LONP2: variants seen among roughly 807,000 people sequenced by gnomAD.
LONP2 encodes lon peptidase 2, peroxisomal.
LONP2 carries 60 observed loss-of-function variants against 85.6 expected under a neutral mutation model. The observed-to-expected ratio is 0.70, with a 90% CI of 0.57 to 0.87. LONP2 has a LOEUF of 0.87. Ranked by LOEUF, LONP2 falls within the 40% of genes least tolerant of loss-of-function variation. The pLI, the probability that LONP2 is intolerant of heterozygous loss-of-function variation, is 0.00. For missense variants in LONP2, 860 were observed against 1,063.5 expected (o/e 0.81, Z 2.66); for synonymous variants, 395 against 389.7 (o/e 1.01, Z -0.16).
At chr16:48,279,930 G>A (rs188038180) in intron 8 of LONP2, among the ~76,000 whole-genome samples, 1 of 152,250 alleles carries the variant, frequency 6.6e-6, no homozygotes. Flanking sequence ...TTAAGCAGGA[G>A]ACCATACATT....
chr16:48,362,955 T>C lies in LONP2; in HGVS notation c.*1092T>C, dbSNP rs1960657477. On this transcript the variant is annotated 3_prime_UTR_variant, in exon 5 of 5. Transcript: ENST00000565867. The surrounding 1 kb of genome is among the most constrained non-coding windows in gnomAD (Gnocchi z 4.2). ...CATGGATTGAAAATATTCAGAAAAA[T>C]TTATAAAGAATACAAAATTTTTAAA... 1 of 165,634 alleles carries C rather than the reference T, an allele frequency of 6.0e-6. No homozygotes were observed. 10.3% of individuals were successfully genotyped at this position (165,634 alleles called of 1,614,324 possible).
At chr16:48,273,657 A>G (rs1972148864) in intron 7 of LONP2, among the ~76,000 whole-genome samples, 1 of 152,174 alleles carries the variant, frequency 6.6e-6, no homozygotes, top group African/African-American at 2.4e-5. Flanking sequence ...TAAGTATTAC[A>G]TTTAAATAAT....
chr16:48,277,459 C>A lies in LONP2; in HGVS notation c.1363C>A (p.Pro455Thr). The A allele has an allele frequency of 6.2e-7, 1 of 1,613,576 alleles. No individual in the cohort carries two copies. The highest frequency in any genetic ancestry group is 8.5e-7 in the Non-Finnish European group (1 of 1,179,746). Reference sequence around the variant, plus strand: ...ACTGGGAAAAAGTCTACAGGGTGATCCAGCAGCAGCTCTGCTTGAGGTAAG... The same window carrying A: ...ACTGGGAAAAAGTCTACAGGGTGATACAGCAGCAGCTCTGCTTGAGGTAAG... ...DKLGKSLQGD[P>T]AAALLEVLDP... The change falls in exon 8 of 15, where the codon CCA becomes ACA. Residue 455 changes from proline (P) to threonine (T), a missense_variant. Pro to Thr is a conservative substitution (Grantham distance 38). Coordinates refer to ENST00000285737, the MANE Select transcript of LONP2 (RefSeq NM_031490.5).
rs1208694252 is a variant in LONP2, at chr16:48,355,816, T to C, written c.*4014T>C. 6.6e-6 allele frequency: 1 copy of C among 152,218 alleles called. No individual in the cohort carries two copies. Among genetic ancestry groups the C allele is most frequent in the East Asian group, 1.9e-4 (1 of 5,196 alleles). The allele number at this position is 152,218 out of a possible 1,614,324, so 9.4% of individuals were successfully genotyped here. A position where few individuals can be genotyped will look rare whatever the true frequency, so the allele number is the denominator to read the frequency against. On this transcript the variant is annotated 3_prime_UTR_variant, in exon 15 of 15. Coordinates refer to ENST00000285737, the MANE Select transcript of LONP2 (RefSeq NM_031490.5). ...ACCCCTTGTATCAAAATAAGCTGGA[T>C]TTTTTTATTGAAAATTATTAACTCT...
intron 5 of LONP2, among the ~76,000 whole-genome samples, chr16:48,262,291 T>C (rs1971894575): frequency 6.6e-6 from 1 of 152,026 alleles, no homozygotes; most frequent in Admixed American, 6.5e-5. Flanking sequence ...AAAAAATGTA[T>C]TGTATTATGC....
intron 8 of LONP2, among the ~76,000 whole-genome samples, chr16:48,291,017 A>G (rs1008683016): frequency 1.3e-5 from 2 of 152,238 alleles, no homozygotes; most frequent in African/African-American, 4.8e-5. Flanking sequence ...TAGGAGTTGC[A>G]TGTCAGGAAA....
intron 14 of LONP2, 24 bp downstream of exon 14, chr16:48,348,314 A>G (rs998004176): frequency 1.5e-6 from 2 of 1,359,318 alleles, no homozygotes; most frequent in Non-Finnish European, 1.9e-6. Flanking sequence ...AACAATTTAT[A>G]TGGTTATTTT....
chr16:48,334,188 C>T, intron 11 of LONP2, 28 bp from the exon 12 acceptor site: 3 of 1,606,472 alleles, frequency 1.9e-6, no homozygotes, highest in Non-Finnish European at 2.6e-6. Context: ...TCTCTTAGAA[C>T]TTCTAAATAC....
At position 48,252,112 on chromosome 16, in the gene LONP2, T is replaced by G; in HGVS notation, c.234-19T>G. 2 of 1,525,864 alleles carry G rather than the reference T, an allele frequency of 1.3e-6. No individual in the cohort carries two copies. Among genetic ancestry groups the G allele is most frequent in the Non-Finnish European group, 8.9e-7 (1 of 1,124,176 alleles). The allele number at this position is 1,525,864 out of a possible 1,614,324, so 94.5% of individuals were successfully genotyped here. A position where few individuals can be genotyped will look rare whatever the true frequency, so the allele number is the denominator to read the frequency against. ...CCGTATTGAATGTTTGTAATACCGATGTTTTGTGTGTTTTTCAGGATTGGC... is the reference window on the plus strand; with the variant it reads ...CCGTATTGAATGTTTGTAATACCGAGGTTTTGTGTGTTTTTCAGGATTGGC... On this transcript the variant is annotated intron_variant, in intron 1 of 14. Transcript: ENST00000285737.
intron 8 of LONP2, among the ~76,000 whole-genome samples, chr16:48,284,537 GACA>G (rs1972397100): frequency 6.6e-6 from 1 of 152,158 alleles, no homozygotes; most frequent in Non-Finnish European, 1.5e-5. Context: ...CCAGCAAAAT[GACA>G]ACAACTAACA....
At chr16:48,346,786 A>C (rs1239333342) in intron 12 of LONP2, among the ~76,000 whole-genome samples, 2 of 152,250 alleles carry the variant, frequency 1.3e-5, no homozygotes, top group East Asian at 3.9e-4. Context: ...TGCTAGTAAG[A>C]GGGTTTCTAC....
rs1477266479 is a variant in LONP2, at chr16:48,261,473, T to C, written c.773T>C (p.Leu258Ser). 1 of 1,609,714 alleles carries C rather than the reference T, an allele frequency of 6.2e-7. No homozygotes were observed. The highest frequency in any genetic ancestry group is 2.2e-5 in the East Asian group (1 of 44,666). Residue 258 changes from leucine to serine, a missense_variant, in exon 5 of 15, where the codon TTA becomes TCA. This residue lies in a region of LONP2 where 743 missense variants were observed against 917.3 expected (regional missense o/e 0.81). Transcript: ENST00000285737. ...AGAATTACACATATCTCAGGTACTT[T>C]AGAAGATGAAGATGAAGATGAAGAT... is the stretch of plus-strand genomic sequence containing the variant. The part of the protein sequence containing the change: ...IRRITHISGT[L>S]EDEDEDEDND...
chr16:48,348,390 T>A, intron 14 of LONP2, 100 bp downstream of exon 14: 1 of 678,714 alleles, frequency 1.5e-6, no homozygotes, highest in Non-Finnish European at 2.1e-6. Context: ...ATGAAAACCT[T>A]GGTTTTAAGT....
chr16:48,308,352 C>T (rs1480320997), intron 11 of LONP2, among the ~76,000 whole-genome samples: 2 of 151,996 alleles, frequency 1.3e-5, no homozygotes, highest in Non-Finnish European at 2.9e-5. Flanking sequence ...CGAGGTTAGG[C>T]TAGGTGGCTC....
rs1376962655 is a variant in LONP2 at position 48,245,643 on chromosome 16, G to A, written c.233+1022G>A. Among the ~76,000 whole-genome samples the A allele has an allele frequency of 2.0e-5, 3 of 152,138 alleles. No individual in the cohort carries two copies. The East Asian group carries it at 5.8e-4, about 29-fold the overall frequency. ...CCAGGAGGTTGGTCACCCTAAATGT[G>A]CTGTAAGTGTACAATACACGCCAGA... is the stretch of plus-strand genomic sequence containing the variant. On this transcript the variant is annotated intron_variant, in intron 1 of 14. Coordinates refer to ENST00000285737, the MANE Select transcript of LONP2 (RefSeq NM_031490.5).
intron 12 of LONP2, 84 bp from the exon 13 acceptor site, chr16:48,347,423 G>A (rs185461584): frequency 2.2e-6 from 3 of 1,352,584 alleles, no homozygotes; most frequent in East Asian, 4.6e-5. Flanking sequence ...CTTCTGTGGA[G>A]TCAGCCGACT....
At chr16:48,311,074 A>G (rs925037935) in intron 11 of LONP2, among the ~76,000 whole-genome samples, 13 of 152,158 alleles carry the variant, frequency 8.5e-5, no homozygotes, top group African/African-American at 3.1e-4. Context: ...CTTTTACTGT[A>G]TTTAGGGATT....
chr16:48,340,498 G>A (rs989673614), intron 12 of LONP2, among the ~76,000 whole-genome samples: 3 of 151,832 alleles, frequency 2.0e-5, no homozygotes, highest in Admixed American at 6.6e-5. Flanking sequence ...TACTTTCATC[G>A]AAGATGAATC....
intron 1 of LONP2, among the ~76,000 whole-genome samples, chr16:48,250,009 T>C (rs1971591217): frequency 6.6e-6 from 1 of 151,856 alleles, no homozygotes; most frequent in Admixed American, 6.6e-5. Flanking sequence ...CTGGCCAACA[T>C]AGTGAAACCC....
Sources: allele counts gnomAD v4.1 joint callset (sites outside exome capture counted in the v4.1 genomes callset), GRCh38; gene constraint gnomAD v4.1.1; regional missense constraint gnomAD v4.1.1; non-coding constraint Gnocchi (gnomAD v3.1); transcripts MANE v1.5; gene names NCBI Gene and HGNC (gene_info 2026-07-23, HGNC 2026-07-21).